Variants in PGGT1B observed in about 807,000 individuals in gnomAD.
PGGT1B encodes protein geranylgeranyltransferase type I subunit beta, also known as geranylgeranyl transferase type-1 subunit beta.
In PGGT1B, 30 loss-of-function variants were observed where a neutral mutation model predicts 46.1. The ratio of observed to expected loss-of-function variants is 0.65; its 90% CI spans 0.49 to 0.88. PGGT1B has a LOEUF of 0.88. Ranked by LOEUF, PGGT1B falls within the 40% of genes least tolerant of loss-of-function variation. The pLI is 0.00. For missense variants in PGGT1B, 376 were observed against 455.9 expected (o/e 0.82, Z 1.60); for synonymous variants, 170 against 160.0 (o/e 1.06, Z -0.47).
chr5:115,262,719 T>C lies in PGGT1B; in HGVS notation c.133A>G (p.Thr45Ala), dbSNP rs1340259676. 6.2e-7 allele frequency: 1 copy of C among 1,608,510 alleles called. No homozygotes were observed. Among genetic ancestry groups the C allele is most frequent in the Admixed American group, 1.7e-5 (1 of 59,322 alleles). The change falls in exon 1 of 9, where the codon ACA (threonine) becomes GCA (alanine). Residue 45 changes from threonine (T) to alanine (A), a missense_variant. Thr to Ala is a moderately conservative substitution (Grantham distance 58). Coordinates refer to ENST00000419445, the MANE Select transcript of PGGT1B (RefSeq NM_005023.4). ...GACTGTGCCACGAGTTACCTGCTTG[T>C]CTCGAGTGAAGAATAGCGCTCCGGC... ...VLPERYSSLE[T>A]SRLTIAFFAL...
intron 1 of PGGT1B, 172 bp downstream of exon 1, chr5:115,262,540 C>A: frequency 1.4e-6 from 1 of 696,912 alleles, no homozygotes; most frequent in Non-Finnish European, 2.4e-6. Context: ...CCAGACCTTC[C>A]CACCGTACGG....
chr5:115,247,599 A>T (rs1747908802), intron 2 of PGGT1B, among the ~76,000 whole-genome samples: 1 of 152,180 alleles, frequency 6.6e-6, no homozygotes. Flanking sequence ...ATTTCCTAGT[A>T]AGAAGACATG....
At chr5:115,248,601 C>T (rs909826889) in intron 2 of PGGT1B, among the ~76,000 whole-genome samples, 7 of 152,184 alleles carry the variant, frequency 4.6e-5, no homozygotes, top group Non-Finnish European at 2.9e-5. Context: ...TAGGAAACCA[C>T]TAGGGTCTTT....
At chr5:115,256,005 T>C (rs1748294822) in intron 1 of PGGT1B, among the ~76,000 whole-genome samples, 1 of 151,962 alleles carries the variant, frequency 6.6e-6, no homozygotes, top group South Asian at 2.1e-4. Flanking sequence ...AATCTATGGG[T>C]GTAAGGTGGG....
In PGGT1B at chr5:115,221,971, C is replaced by A; in HGVS notation, c.696G>T (p.Leu232=). 6.3e-7 allele frequency: 1 copy of A among 1,599,230 alleles called. No individual in the cohort carries two copies. The highest frequency in any genetic ancestry group is 8.5e-7 in the Non-Finnish European group (1 of 1,174,116). ...STFCGIASLC[L]MGKLEEVFSE... is the part of the protein sequence containing the mutation. The stretch of plus-strand genomic sequence containing the variant: ...AAAAAACTTCTTCTAGTTTACCCAT[C>A]AGACATAGTGAGGCAATGCCACAAA... Residue 232 remains leucine, a synonymous_variant, in exon 7 of 9, where the codon CTG becomes CTT. Transcript: ENST00000419445.
At chr5:115,234,330 T>C (rs972277464) in intron 5 of PGGT1B, among the ~76,000 whole-genome samples, 3 of 151,744 alleles carry the variant, frequency 2.0e-5, no homozygotes, top group Non-Finnish European at 2.9e-5. Flanking sequence ...CTAACGAGAA[T>C]AGTTACCTAC....
At chr5:115,212,720 A>C in intron 8 of PGGT1B, 137 bp from the exon 9 acceptor site, 1 of 565,230 alleles carries the variant, frequency 1.8e-6, no homozygotes, top group Admixed American at 3.7e-5. Context: ...TTTTAAAAAT[A>C]TTTGCTTTCT....
intron 5 of PGGT1B, among the ~76,000 whole-genome samples, 192 bp from the exon 6 acceptor site, chr5:115,231,213 A>C (rs1756970494): frequency 6.6e-6 from 1 of 152,042 alleles, no homozygotes; most frequent in Non-Finnish European, 1.5e-5. Context: ...TTCTCTTCTT[A>C]TTCACCAAGC....
chr5:115,236,297 T>C (rs1403497386), intron 5 of PGGT1B, 93 bp downstream of exon 5: 5 of 898,502 alleles, frequency 5.6e-6, no homozygotes, highest in Non-Finnish European at 8.5e-6. Context: ...TATTTACAAA[T>C]TGTTGGCGGA....
At chr5:115,224,363 G>A (rs1756691989) in intron 6 of PGGT1B, among the ~76,000 whole-genome samples, 1 of 152,102 alleles carries the variant, frequency 6.6e-6, no homozygotes, top group South Asian at 2.1e-4. Flanking sequence ...AATGCAAACT[G>A]GCACAACTCA....
chr5:115,253,922 C>T (rs1029559434), intron 1 of PGGT1B, among the ~76,000 whole-genome samples: 4 of 151,972 alleles, frequency 2.6e-5, no homozygotes, highest in African/African-American at 9.7e-5. Flanking sequence ...CAGTATCTTA[C>T]CGATGGCTTT....
rs80156416 is a variant in PGGT1B, at chr5:115,245,624, A to C, written c.260-4018T>G. 4.2e-3 allele frequency among the ~76,000 whole-genome samples: 633 copies of C among 152,360 alleles called. 3 individuals carry two copies. Among genetic ancestry groups the C allele is most frequent in the East Asian group, 0.019 (100 of 5,190 alleles). Reference sequence around the variant, plus strand: ...AAGGCTTAATAAACAGTAACCATTCAAAATCAGTTAATTGTATTTTATCAA... The same window carrying C: ...AAGGCTTAATAAACAGTAACCATTCCAAATCAGTTAATTGTATTTTATCAA... On this transcript the variant is annotated intron_variant, in intron 2 of 8. Coordinates refer to ENST00000419445, the MANE Select transcript of PGGT1B (RefSeq NM_005023.4).
intron 8 of PGGT1B, among the ~76,000 whole-genome samples, chr5:115,214,530 A>G (rs1476043752): frequency 6.6e-6 from 1 of 152,232 alleles, no homozygotes; most frequent in Non-Finnish European, 1.5e-5. Context: ...GAATCTTGTT[A>G]AAATGATTAA....
intron 2 of PGGT1B, chr5:115,252,887 T>C (rs756593152): frequency 5.0e-6 from 2 of 401,600 alleles, no homozygotes; most frequent in Non-Finnish European, 4.4e-6. Flanking sequence ...AGTGGAAGTA[T>C]ACAACATAGT....
At chr5:115,232,878 C>A (rs927218169) in intron 5 of PGGT1B, among the ~76,000 whole-genome samples, 1 of 151,726 alleles carries the variant, frequency 6.6e-6, no homozygotes, top group African/African-American at 2.4e-5. Flanking sequence ...GAGGGAGAAG[C>A]CCTTTGAAAA....
Position 115,236,416 on chromosome 5 carries a change from CT to C in PGGT1B, c.585del (p.Ala196ProfsTer37). On this transcript the variant is annotated frameshift_variant, in exon 5 of 9. Coordinates refer to ENST00000419445, the MANE Select transcript of PGGT1B (RefSeq NM_005023.4). LOFTEE classifies it high-confidence loss of function. ...LNNWSGMDMKKAITYIRRSMS... is the reference protein window; with the variant it reads ...LNNWSGMDMKXAITYIRRSMS... Reference sequence around the variant, plus strand: ...ATACTCCTTCTAATATAGGTGATGGCTTTTTTCATATCCATGCCTGACCAGT... The same window carrying C: ...ATACTCCTTCTAATATAGGTGATGGCTTTTTCATATCCATGCCTGACCAGT... The C allele has an allele frequency of 1.9e-6, 3 of 1,595,218 alleles. No individual in the cohort carries two copies. The highest frequency in any genetic ancestry group is 1.1e-5 in the South Asian group (1 of 87,094).
intron 3 of PGGT1B, among the ~76,000 whole-genome samples, chr5:115,238,593 C>T (rs552669145): frequency 6.6e-6 from 1 of 152,092 alleles, no homozygotes; most frequent in Non-Finnish European, 1.5e-5. Flanking sequence ...TTATATAGCA[C>T]AAATCTAAAT....
chr5:115,236,436 G>T lies in PGGT1B; in HGVS notation c.566C>A (p.Ser189Ter). Residue 189 changes from serine to a stop codon, truncating the protein, a stop_gained, in exon 5 of 9, where the codon TCA becomes TAA. Transcript: ENST00000419445. LOFTEE classifies it high-confidence loss of function. ...GATGGCTTTTTTCATATCCATGCCT[G>T]ACCAGTTGTTGAGCATATAGCAAAT... Reference protein sequence around the residue: ...SCICYMLNNWSGMDMKKAITY... With the variant: ...SCICYMLNNW The T allele has an allele frequency of 6.3e-7, 1 of 1,595,630 alleles. No homozygotes were observed. The highest frequency in any genetic ancestry group is 1.1e-5 in the South Asian group (1 of 87,372).
intron 8 of PGGT1B, among the ~76,000 whole-genome samples, chr5:115,213,500 G>T (rs1756307361): frequency 6.6e-6 from 1 of 152,168 alleles, no homozygotes; most frequent in Non-Finnish European, 1.5e-5. Flanking sequence ...GCTGGGTGTG[G>T]TGGCTCACAC....
Sources: allele counts gnomAD v4.1 joint callset (sites outside exome capture counted in the v4.1 genomes callset), GRCh38; gene constraint gnomAD v4.1.1; transcripts MANE v1.5; gene names NCBI Gene and HGNC (gene_info 2026-07-23, HGNC 2026-07-21).